The following ERLIN1 variants were observed in gnomAD, a reference collection of about 807,000 sequenced individuals.
The protein encoded by ERLIN1 is ER lipid raft associated 1.
In ERLIN1, 24 loss-of-function variants were observed where a neutral mutation model predicts 46.9. The observed-to-expected ratio is 0.51, with a 90% CI of 0.37 to 0.72. The LOEUF (loss-of-function observed/expected upper bound fraction) is 0.72, where lower values mean the gene tolerates loss of function less well. ERLIN1 is among the 30% of genes least tolerant of loss of function. ERLIN1 has a pLI of 0.00. For synonymous variants in ERLIN1, 158 were observed against 143.2 expected, an observed-to-expected ratio of 1.10 and a Z score of -0.74; for missense variants, 293 against 417.9, an observed-to-expected ratio of 0.70 and a Z score of 2.61.
At chr10:100,163,943 T>C in intron 8 of ERLIN1, 61 bp downstream of exon 8, 6 of 1,144,240 alleles carry the variant, frequency 5.2e-6, no homozygotes, top group African/African-American at 1.5e-5. Context: ...AAAATGAGAC[T>C]GACAAAGAAC....
chr10:100,167,445 A>C, intron 6 of ERLIN1, 39 bp from the exon 7 acceptor site: 1 of 1,504,514 alleles, frequency 6.6e-7, no homozygotes, highest in Non-Finnish European at 9.2e-7. Context: ...TATATTTGAA[A>C]GATAAATCTT....
intron 8 of ERLIN1, among the ~76,000 whole-genome samples, chr10:100,157,245 G>C (rs1032633576): frequency 4.6e-5 from 7 of 152,210 alleles, no homozygotes; most frequent in Non-Finnish European, 1.0e-4. Flanking sequence ...AATGGTATCA[G>C]AAGAGGAGTA....
rs768776653 is a variant in ERLIN1, at chr10:100,173,199, CAT to C, written c.504+1007_504+1008del. On this transcript the variant is annotated intron_variant, in intron 6 of 10. Coordinates refer to ENST00000421367, the MANE Select transcript of ERLIN1 (RefSeq NM_006459.4). ...GTGCTGAGTGTAAAGAATTGAGAGA[CAT>C]GTGATAAGCTTTAGTTGCAGTAATG... Among the ~76,000 whole-genome samples the C allele has an allele frequency of 9.8e-5, 15 of 152,290 alleles. No homozygotes were observed. In the East Asian group the frequency reaches 2.1e-3, roughly 22 times the overall value.
chr10:100,185,425 C>A, intron 1 of ERLIN1, 89 bp downstream of exon 1: 2 of 1,016,934 alleles, frequency 2.0e-6, no homozygotes, highest in Non-Finnish European at 3.1e-6. Flanking sequence ...CGCCCCCGAA[C>A]GTTGCAGAGG....
intron 4 of ERLIN1, among the ~76,000 whole-genome samples, chr10:100,176,967 C>A (rs1844347317): frequency 6.6e-6 from 1 of 152,012 alleles, no homozygotes; most frequent in East Asian, 1.9e-4. Context: ...ACTAAAAATA[C>A]AAAAATTAGC....
rs769618226 is a variant in ERLIN1, at chr10:100,183,791, T to C, written c.160A>G (p.Met54Val). ...CTGAACGTAGTAATGAAAGGCAACA[T>C]GATATGATAGCCTGGTCCACTGGGG... The part of the protein sequence containing the change: ...TSPSGPGYHI[M>V]LPFITTFRSV... Residue 54 changes from methionine to valine, a missense_variant, in exon 2 of 11, where the codon ATG becomes GTG. Met to Val is a conservative substitution (Grantham distance 21). Around this residue, in one of 3 missense-constraint regions of ERLIN1, gnomAD observed 76 missense variants for 77.0 expected, o/e 0.99. Transcript: ENST00000421367. 8.1e-6 allele frequency: 13 copies of C among 1,612,166 alleles called. No individual in the cohort carries two copies. The Admixed American group carries it at 1.0e-4, about 12-fold the overall frequency.
chr10:100,165,479 T>C (rs1178866696), intron 7 of ERLIN1, among the ~76,000 whole-genome samples: 6 of 150,526 alleles, frequency 4.0e-5, no homozygotes, highest in South Asian at 2.1e-4. Flanking sequence ...CTTCGCCTCC[T>C]GAGTTCACGC....
Position 100,185,719 on chromosome 10 carries a change from T to C in ERLIN1, c.-93A>G, listed in dbSNP as rs974650353. On this transcript the variant is annotated 5_prime_UTR_variant, in exon 1 of 11. Coordinates refer to ENST00000421367, the MANE Select transcript of ERLIN1 (RefSeq NM_006459.4). ...GTTTCTACCCTCTCCCTCCGGAAAC[T>C]TGGCGCTCTCTCGCAGGCTGAGCCG... 1.9e-6 allele frequency: 2 copies of C among 1,032,368 alleles called. No homozygotes were observed. Among genetic ancestry groups the C allele is most frequent in the African/African-American group, 1.6e-5 (1 of 63,848 alleles). The allele number at this position is 1,032,368 out of a possible 1,614,324, so 64.0% of individuals were successfully genotyped here. A position where few individuals can be genotyped will look rare whatever the true frequency, so the allele number is the denominator to read the frequency against.
At chr10:100,172,878 G>A (rs928767131) in intron 6 of ERLIN1, among the ~76,000 whole-genome samples, 15 of 152,208 alleles carry the variant, frequency 9.9e-5, no homozygotes, top group Non-Finnish European at 1.5e-4. Flanking sequence ...AGTTGAATGA[G>A]CTAGATCTCT....
In ERLIN1 at chr10:100,152,121, A is replaced by G. The variant is rs1383643757; in HGVS notation, c.*10T>C. ...ACATCTTGATATGGAGAACATTTCCACCTCTTGCATCAACCTGTGCTCTCT... is the reference window on the plus strand; with the variant it reads ...ACATCTTGATATGGAGAACATTTCCGCCTCTTGCATCAACCTGTGCTCTCT... On this transcript the variant is annotated 3_prime_UTR_variant, in exon 11 of 11. Transcript: ENST00000421367. The G allele has an allele frequency of 6.4e-7, 1 of 1,572,746 alleles. No homozygotes were observed. Among genetic ancestry groups the G allele is most frequent in the Admixed American group, 1.7e-5 (1 of 59,930 alleles).
In ERLIN1 at chr10:100,156,149, G is replaced by A. The variant is rs543960752; in HGVS notation, c.741C>T (p.Ile247=). 3.3e-5 allele frequency: 53 copies of A among 1,609,062 alleles called. 1 individual carries two copies. The highest frequency in any genetic ancestry group is 1.9e-4 in the South Asian group (17 of 90,638). ...CATCCTCTCCCCACAATGTACCTTC[G>A]ATTTCAGAAATGCGCTTTTCAGTTT... ...EKETEKRISE[I]EDAAFLAREK... is the part of the protein sequence containing the mutation. The change falls in exon 9 of 11, where the codon ATC becomes ATT. Residue 247 remains isoleucine (I), a synonymous_variant. Transcript: ENST00000421367.
At chr10:100,179,421 G>C (rs1046172397) in intron 2 of ERLIN1, among the ~76,000 whole-genome samples, 174 bp from the exon 3 acceptor site, 1 of 151,640 alleles carries the variant, frequency 6.6e-6, no homozygotes, top group Non-Finnish European at 1.5e-5. Flanking sequence ...TATTCTAGTA[G>C]AAATGAAAGA....
Position 100,151,547 on chromosome 10 carries a change from T to A in ERLIN1, c.*584A>T, listed in dbSNP as rs1842801995. 5.9e-6 allele frequency: 1 copy of A among 170,246 alleles called. No homozygotes were observed. The highest frequency in any genetic ancestry group is 1.4e-4 in the South Asian group (1 of 7,262). The allele number at this position is 170,246 out of a possible 1,614,324, so 10.5% of individuals were successfully genotyped here. On this transcript the variant is annotated 3_prime_UTR_variant, in exon 11 of 11. Transcript: ENST00000421367. Reference sequence around the variant, plus strand: ...CTCAGGTCCCTGCAGGCCACCACCCTGACTGCAGGAAAACAGAAAGGTGCA... The same window carrying A: ...CTCAGGTCCCTGCAGGCCACCACCCAGACTGCAGGAAAACAGAAAGGTGCA...
chr10:100,179,357 C>A (rs1844499801), intron 2 of ERLIN1, 110 bp from the exon 3 acceptor site: 1 of 649,248 alleles, frequency 1.5e-6, no homozygotes, highest in Non-Finnish European at 2.7e-6. Context: ...CAGCAGAGAT[C>A]CATCACAATT....
At chr10:100,159,426 G>T (rs186639402) in intron 8 of ERLIN1, among the ~76,000 whole-genome samples, 4 of 152,272 alleles carry the variant, frequency 2.6e-5, no homozygotes, top group African/African-American at 4.8e-5. Context: ...CTGACCAAAT[G>T]AGTATATAAA....
chr10:100,168,871 A>G (rs772428152), intron 6 of ERLIN1, among the ~76,000 whole-genome samples: 8 of 151,896 alleles, frequency 5.3e-5, no homozygotes, highest in Admixed American at 2.0e-4. Flanking sequence ...TTTAGTAGAG[A>G]CAGGGTTTCA....
At chr10:100,166,916 A>G (rs937466850) in intron 7 of ERLIN1, among the ~76,000 whole-genome samples, 8 of 152,234 alleles carry the variant, frequency 5.3e-5, no homozygotes, top group Admixed American at 1.3e-4. Flanking sequence ...TTAGATATAC[A>G]ATCACATACA....
intron 8 of ERLIN1, among the ~76,000 whole-genome samples, chr10:100,157,993 G>T (rs960005591): frequency 1.3e-5 from 2 of 152,236 alleles, no homozygotes; most frequent in African/African-American, 4.8e-5. Flanking sequence ...TGAGTTGTAA[G>T]AAAGAATGAG....
intron 1 of ERLIN1, 113 bp downstream of exon 1, chr10:100,185,401 A>T (rs951125898): frequency 1.2e-6 from 1 of 800,748 alleles, no homozygotes; most frequent in African/African-American, 1.7e-5. Context: ...TGCTCTCCCT[A>T]GAGATGGGAC....
Sources: gnomAD v4.1 joint callset for allele counts (sites outside exome capture counted in the v4.1 genomes callset) on GRCh38, gnomAD v4.1.1 for gene constraint, gnomAD v4.1.1 regional missense constraint, MANE v1.5 for transcripts, NCBI Gene and HGNC (gene_info 2026-07-23, HGNC 2026-07-21) for gene names.